Variants in CDH8 observed in about 807,000 individuals in gnomAD.
The protein encoded by CDH8 is cadherin-8.
In CDH8, 17 loss-of-function variants were observed where a neutral mutation model predicts 68.1. The ratio of observed to expected loss-of-function variants is 0.25; its 90% CI spans 0.17 to 0.37. The LOEUF (loss-of-function observed/expected upper bound fraction) is 0.37, where lower values mean the gene tolerates loss of function less well. Ranked by LOEUF, CDH8 falls within the 10% of genes least tolerant of loss-of-function variation. The pLI is 1.00. For synonymous variants in CDH8, 372 were observed against 365.1 expected (o/e 1.02, Z -0.21); for missense variants, 763 against 999.3 (o/e 0.76, Z 3.19).
chr16:61,873,574 A>T (rs1224555959), intron 3 of CDH8, among the ~76,000 whole-genome samples: 2 of 152,264 alleles, frequency 1.3e-5, no homozygotes, highest in African/African-American at 2.4e-5. Flanking sequence ...TGACGGGTCA[A>T]CTTATGAATT....
At chr16:61,752,291 T>C (rs184187075) in intron 8 of CDH8, among the ~76,000 whole-genome samples, 172 of 152,264 alleles carry the variant, frequency 1.1e-3, no homozygotes, top group African/African-American at 4.0e-3. Flanking sequence ...AAGGGCATGG[T>C]TAATGTCTTG....
At chr16:61,661,018 TA>T (rs1963546329) in intron 10 of CDH8, among the ~76,000 whole-genome samples, 1 of 151,962 alleles carries the variant, frequency 6.6e-6, no homozygotes, top group Non-Finnish European at 1.5e-5. Flanking sequence ...AGTATCTACT[TA>T]AAAAAGACAA....
chr16:61,990,003 T>C lies in CDH8; in HGVS notation c.252+31149A>G, dbSNP rs564920034. Among the ~76,000 whole-genome samples, 5 of 152,286 alleles carry C rather than the reference T, an allele frequency of 3.3e-5. No homozygotes were observed. The East Asian group carries it at 9.7e-4, about 30-fold the overall frequency. On this transcript the variant is annotated intron_variant, in intron 2 of 11. Coordinates refer to ENST00000577390, the MANE Select transcript of CDH8 (RefSeq NM_001796.5). ...ATCTCCACAAATGGACAAGAATAAGTCCAATTCCTGTACTTCCACTTACTG... is the reference window on the plus strand; with the variant it reads ...ATCTCCACAAATGGACAAGAATAAGCCCAATTCCTGTACTTCCACTTACTG...
intron 2 of CDH8, among the ~76,000 whole-genome samples, chr16:61,904,673 T>C (rs1247872095): frequency 6.6e-6 from 1 of 152,236 alleles, no homozygotes; most frequent in Non-Finnish European, 1.5e-5. Flanking sequence ...ATTAGCTACC[T>C]TTTATGGGTC....
chr16:61,917,334 G>A (rs1333046172), intron 2 of CDH8, among the ~76,000 whole-genome samples: 1 of 152,142 alleles, frequency 6.6e-6, no homozygotes, highest in Non-Finnish European at 1.5e-5. Context: ...AATAACTGTA[G>A]AATGTGATGG....
chr16:61,797,888 C>T (rs1596976513), intron 7 of CDH8, among the ~76,000 whole-genome samples: 1 of 152,092 alleles, frequency 6.6e-6, no homozygotes, highest in South Asian at 2.1e-4. Flanking sequence ...TCTCAGATTC[C>T]AAATCTATGT....
At chr16:61,939,421 A>G (rs1258052621) in intron 2 of CDH8, among the ~76,000 whole-genome samples, 1 of 152,110 alleles carries the variant, frequency 6.6e-6, no homozygotes, top group African/African-American at 2.4e-5. Context: ...GGGAAGCATT[A>G]TTTTTCCTCC....
chr16:61,872,987 G>GGGTCAAGCA (rs1963397387), intron 3 of CDH8, among the ~76,000 whole-genome samples: 1 of 152,074 alleles, frequency 6.6e-6, no homozygotes, highest in African/African-American at 2.4e-5. Flanking sequence ...GGACAGATGG[G>GGGTCAAGCA]GGTCAAGCAC....
chr16:61,842,542 T>C (rs1279183292), intron 4 of CDH8, among the ~76,000 whole-genome samples: 6 of 152,116 alleles, frequency 3.9e-5, no homozygotes, highest in East Asian at 1.9e-4. Flanking sequence ...TTATAAATTA[T>C]CCAGTCTGTG....
intron 10 of CDH8, among the ~76,000 whole-genome samples, chr16:61,671,840 G>A (rs544311398): frequency 1.3e-5 from 2 of 151,756 alleles, no homozygotes; most frequent in African/African-American, 4.8e-5. Context: ...ATATGAACAG[G>A]TTAAAATACA....
chr16:61,847,461 C>A (rs1282423382), intron 4 of CDH8, among the ~76,000 whole-genome samples: 2 of 150,472 alleles, frequency 1.3e-5, no homozygotes, highest in Admixed American at 6.7e-5. Context: ...CTTACTCATG[C>A]ATCAGAGACT....
At chr16:61,702,386 A>G (rs1442432177) in intron 10 of CDH8, among the ~76,000 whole-genome samples, 5 of 149,166 alleles carry the variant, frequency 3.4e-5, no homozygotes, top group South Asian at 2.1e-4. Flanking sequence ...AAAGAAAAAA[A>G]AAAAAGAAAA....
rs550484382 is a variant in CDH8, at chr16:61,702,326, T to C, written c.1654+11515A>G. 2.8e-4 allele frequency among the ~76,000 whole-genome samples: 42 copies of C among 151,342 alleles called. No individual in the cohort carries two copies. The East Asian group carries it at 3.1e-3, about 11-fold the overall frequency. ...GGCGGAGCTTGCAGTGAGCGGAGAT[T>C]GCGCCACTGCACTCCAGCCTGGGCG... On this transcript the variant is annotated intron_variant, in intron 10 of 11. Transcript: ENST00000577390.
chr16:61,766,841 C>T (rs763909648), intron 8 of CDH8, among the ~76,000 whole-genome samples: 4 of 151,856 alleles, frequency 2.6e-5, no homozygotes, highest in Non-Finnish European at 5.9e-5. Context: ...AGTTAATACT[C>T]GTTTGTTCTG....
intron 3 of CDH8, among the ~76,000 whole-genome samples, chr16:61,897,033 C>T (rs563604096): frequency 4.7e-4 from 70 of 149,314 alleles, no homozygotes; most frequent in African/African-American, 1.7e-3. Flanking sequence ...GAAGATATGT[C>T]GCAGGCTAAA....
rs151208133 is a variant in CDH8, at chr16:61,817,509, C to T, written c.1247G>A (p.Arg416His). ...LNSVIGQVTARDPDITSSPIR... is the reference protein window; with the variant it reads ...LNSVIGQVTAHDPDITSSPIR... ...AGGACTGGAAGTGATATCAGGGTCA[C>T]GAGCAGTCACTTGCCCAATCACGGA... is the stretch of plus-strand genomic sequence containing the variant. Residue 416 changes from arginine to histidine, a missense_variant, in exon 7 of 12, where the codon CGT becomes CAT. By Grantham distance (29) the Arg-to-His change is conservative. Transcript: ENST00000577390. 5.6e-4 allele frequency: 908 copies of T among 1,613,866 alleles called. No homozygotes were observed. The highest frequency in any genetic ancestry group is 6.9e-4 in the Non-Finnish European group (815 of 1,179,904).
At chr16:62,025,108 C>T (rs1902166372) in intron 1 of CDH8, among the ~76,000 whole-genome samples, 1 of 152,094 alleles carries the variant, frequency 6.6e-6, no homozygotes, top group Non-Finnish European at 1.5e-5. Context: ...GAGGGGATGT[C>T]ATTTAAATGT....
At chr16:61,917,973 T>A (rs78311366) in intron 2 of CDH8, among the ~76,000 whole-genome samples, 6,343 of 124,682 alleles carry the variant, frequency 0.051, 357 homozygotes, top group East Asian at 0.25. Context: ...ATTTGCTTTT[T>A]TTTTTTTTTT....
At chr16:61,848,143 G>A (rs1962851760) in intron 4 of CDH8, among the ~76,000 whole-genome samples, 1 of 152,072 alleles carries the variant, frequency 6.6e-6, no homozygotes, top group African/African-American at 2.4e-5. Flanking sequence ...TAATTCTGAA[G>A]GGACATGATA....
Sources: gnomAD v4.1 joint callset for allele counts (sites outside exome capture counted in the v4.1 genomes callset) on GRCh38, gnomAD v4.1.1 for gene constraint, MANE v1.5 for transcripts, NCBI Gene and HGNC (gene_info 2026-07-23, HGNC 2026-07-21) for gene names.